Variants in MGAT4C observed in about 807,000 individuals in gnomAD.
The protein encoded by MGAT4C is MGAT4 family member C.
In MGAT4C, 19 loss-of-function variants were observed where a neutral mutation model predicts 40.1. The ratio of observed to expected loss-of-function variants is 0.47; its 90% CI spans 0.33 to 0.70. The LOEUF is 0.70. MGAT4C is among the 30% of genes least tolerant of loss of function. The pLI, the probability that MGAT4C is intolerant of heterozygous loss-of-function variation, is 0.02. For synonymous variants in MGAT4C, 181 were observed against 187.1 expected (o/e 0.97, Z 0.27); for missense variants, 491 against 563.2 (o/e 0.87, Z 1.30).
At chr12:86,370,127 G>C (rs377450559) in intron 3 of MGAT4C, among the ~76,000 whole-genome samples, 4 of 152,006 alleles carry the variant, frequency 2.6e-5, no homozygotes, top group African/African-American at 9.7e-5. Flanking sequence ...ATTCAAAAGC[G>C]ATTATTGAGC....
chr12:86,538,249 T>C (rs907633223), intron 2 of MGAT4C, among the ~76,000 whole-genome samples: 1 of 152,206 alleles, frequency 6.6e-6, no homozygotes, highest in African/African-American at 2.4e-5. Flanking sequence ...ATGGCATTGA[T>C]TTTTCAGAGT....
intron 1 of MGAT4C, among the ~76,000 whole-genome samples, chr12:86,114,994 C>T (rs1436743704): frequency 1.3e-5 from 2 of 151,888 alleles, no homozygotes; most frequent in Non-Finnish European, 2.9e-5. Context: ...ATCTGTTTTA[C>T]TGTTTAGTGA....
At chr12:86,768,732 A>T (rs1237180959) in intron 1 of MGAT4C, among the ~76,000 whole-genome samples, 2 of 152,138 alleles carry the variant, frequency 1.3e-5, no homozygotes, top group African/African-American at 4.8e-5. Flanking sequence ...CAACTATCTG[A>T]TCTTTGACAA....
intron 1 of MGAT4C, among the ~76,000 whole-genome samples, chr12:86,227,042 A>G (rs927240035): frequency 6.6e-6 from 1 of 151,850 alleles, no homozygotes; most frequent in African/African-American, 2.4e-5. Flanking sequence ...TTTCCTGTCA[A>G]AGCCATTACT....
intron 1 of MGAT4C, among the ~76,000 whole-genome samples, chr12:86,784,480 C>G (rs1215962722): frequency 1.3e-5 from 2 of 151,894 alleles, no homozygotes; most frequent in Admixed American, 6.6e-5. Flanking sequence ...ACCAGAAAAA[C>G]AAAAACTGAT....
At chr12:86,836,177 T>G (rs940934902) in intron 1 of MGAT4C, among the ~76,000 whole-genome samples, 3 of 152,002 alleles carry the variant, frequency 2.0e-5, no homozygotes, top group African/African-American at 7.2e-5. Context: ...ACTATAACAC[T>G]TTGACATGTG....
intron 2 of MGAT4C, among the ~76,000 whole-genome samples, chr12:86,699,526 T>C (rs1950317999): frequency 6.6e-6 from 1 of 152,100 alleles, no homozygotes; most frequent in South Asian, 2.1e-4. Context: ...TGTGTGTTTG[T>C]GTGTGCACGC....
intron 1 of MGAT4C, among the ~76,000 whole-genome samples, chr12:86,127,363 G>T (rs1324833738): frequency 6.6e-6 from 1 of 152,176 alleles, no homozygotes; most frequent in Admixed American, 6.5e-5. Flanking sequence ...TGGCTCAGCT[G>T]TTTGGGCACT....
At chr12:86,640,831 C>A (rs377443508) in intron 2 of MGAT4C, among the ~76,000 whole-genome samples, 151 of 151,736 alleles carry the variant, frequency 1.0e-3, no homozygotes, top group African/African-American at 3.3e-3. Flanking sequence ...TCAAAGAACA[C>A]CTTTATTTCT....
At chr12:86,835,156 T>C (rs1953011373) in intron 1 of MGAT4C, among the ~76,000 whole-genome samples, 1 of 151,906 alleles carries the variant, frequency 6.6e-6, no homozygotes, top group South Asian at 2.1e-4. Flanking sequence ...CTCAGAATCT[T>C]AAGGAGTTTT....
intron 3 of MGAT4C, among the ~76,000 whole-genome samples, chr12:86,422,727 T>C (rs1956851555): frequency 6.6e-6 from 1 of 152,216 alleles, no homozygotes; most frequent in African/African-American, 2.4e-5. Context: ...TGTGGAATAA[T>C]TTAAAATTCA....
chr12:86,178,138 G>C (rs200857882), intron 1 of MGAT4C, among the ~76,000 whole-genome samples: 1 of 152,190 alleles, frequency 6.6e-6, no homozygotes, highest in East Asian at 1.9e-4. Flanking sequence ...GGGTTTCACC[G>C]TGTTAGCCAG....
At chr12:86,152,373 G>T (rs1451037393) in intron 1 of MGAT4C, among the ~76,000 whole-genome samples, 2 of 152,178 alleles carry the variant, frequency 1.3e-5, no homozygotes, top group Admixed American at 6.5e-5. Flanking sequence ...CACTAGAGGG[G>T]CAAATGCTGT....
chr12:86,223,566 C>G (rs1225784301), intron 1 of MGAT4C, among the ~76,000 whole-genome samples: 1 of 152,102 alleles, frequency 6.6e-6, no homozygotes, highest in Non-Finnish European at 1.5e-5. Flanking sequence ...CGCGGTGTAC[C>G]CACACCTGAT....
intron 1 of MGAT4C, among the ~76,000 whole-genome samples, chr12:86,137,177 C>T (rs1225059692): frequency 1.3e-5 from 2 of 152,106 alleles, no homozygotes; most frequent in Non-Finnish European, 2.9e-5. Context: ...ATTCATATTC[C>T]TTTCTTAACT....
At chr12:86,568,426 A>C (rs7314947) in intron 2 of MGAT4C, among the ~76,000 whole-genome samples, 133,896 of 151,752 alleles carry the variant, frequency 0.88, 59,343 homozygotes, top group East Asian at 1. Flanking sequence ...GCCCTGTTCG[A>C]TTCCCTACTT....
chr12:86,065,922 AAC>A (rs1388751035), intron 1 of MGAT4C, among the ~76,000 whole-genome samples: 1 of 152,196 alleles, frequency 6.6e-6, no homozygotes, highest in African/African-American at 2.4e-5. Flanking sequence ...ATAACAGACA[AAC>A]AAAGAGCCAA....
chr12:86,689,148 G>A (rs1417242793), intron 2 of MGAT4C, among the ~76,000 whole-genome samples: 1 of 152,148 alleles, frequency 6.6e-6, no homozygotes, highest in Non-Finnish European at 1.5e-5. Context: ...GTTGATACCT[G>A]TGTATACTTC....
intron 4 of MGAT4C, among the ~76,000 whole-genome samples, chr12:86,316,107 A>AAAAAAAAAAAC (rs1954219942): frequency 1.1e-5 from 1 of 93,408 alleles, no homozygotes; most frequent in Admixed American, 1.1e-4. Context: ...AAAAAAAAAA[A>AAAAAAAAAAAC]TGGAAAAACG....
Sources: gnomAD v4.1 joint callset for allele counts (sites outside exome capture counted in the v4.1 genomes callset) on GRCh38, gnomAD v4.1.1 for gene constraint, MANE v1.5 for transcripts, NCBI Gene and HGNC (gene_info 2026-07-23, HGNC 2026-07-21) for gene names.